Variants in SLC35F4 observed in about 807,000 individuals in gnomAD.
The protein encoded by SLC35F4 is chromosome 14 open reading frame 36.
SLC35F4 carries 24 observed loss-of-function variants against 44.2 expected under a neutral mutation model. The observed-to-expected ratio is 0.54, with a 90% CI of 0.39 to 0.76. SLC35F4 has a LOEUF of 0.76. Among genes scored for constraint, SLC35F4 ranks in the 30% least tolerant of loss-of-function variants. The pLI is 0.00. For synonymous variants in SLC35F4, 238 were observed against 223.6 expected, an observed-to-expected ratio of 1.06 and a Z score of -0.57; for missense variants, 562 against 586.1, an observed-to-expected ratio of 0.96 and a Z score of 0.42.
At position 57,852,953 on chromosome 14, in the gene SLC35F4, G is replaced by T. The variant is rs139475306; in HGVS notation, c.103+12770C>A. Among the ~76,000 whole-genome samples, 545 of 152,288 alleles carry T rather than the reference G, an allele frequency of 3.6e-3. 10 individuals are homozygous for T. The highest frequency in any genetic ancestry group is 0.027 in the East Asian group (141 of 5,186). The stretch of plus-strand genomic sequence containing the variant: ...AAACCATTACTGACATCTCACTAGT[G>T]CCATCTTGGCATTAGCCTAGGTCTA... On this transcript the variant is annotated intron_variant, in intron 1 of 7. Coordinates refer to ENST00000556826, the MANE Select transcript of SLC35F4 (RefSeq NM_001306087.2).
intron 1 of SLC35F4, among the ~76,000 whole-genome samples, chr14:57,938,574 T>G (rs1431647209): frequency 6.6e-6 from 1 of 152,084 alleles, no homozygotes; most frequent in Non-Finnish European, 1.5e-5. Context: ...AAAGAAAAAA[T>G]GTTAAGGTGT....
At chr14:57,755,539 C>A (rs1297102105) in intron 1 of SLC35F4, among the ~76,000 whole-genome samples, 1 of 152,130 alleles carries the variant, frequency 6.6e-6, no homozygotes, top group Non-Finnish European at 1.5e-5. Flanking sequence ...AATTAAATTT[C>A]TTTTGCACCC....
At chr14:57,582,804 C>T (rs746597302) in intron 3 of SLC35F4, among the ~76,000 whole-genome samples, 15 of 152,142 alleles carry the variant, frequency 9.9e-5, no homozygotes, top group South Asian at 8.3e-4. Context: ...TATTGCAAAT[C>T]AAAGTAAATT....
At chr14:57,579,624 A>G (rs1377402329) in intron 4 of SLC35F4, 1 of 152,212 alleles carries the variant, frequency 6.6e-6, no homozygotes, top group African/African-American at 2.4e-5. Flanking sequence ...CCAGGTTCTT[A>G]TGGGTGGTCC....
chr14:57,839,743 C>A (rs1457567796), intron 1 of SLC35F4, among the ~76,000 whole-genome samples: 7 of 152,200 alleles, frequency 4.6e-5, no homozygotes, highest in Non-Finnish European at 8.8e-5. Flanking sequence ...GCCCATGTAA[C>A]CCTGAACTTT....
At chr14:57,948,510 T>G (rs933403282) in intron 1 of SLC35F4, among the ~76,000 whole-genome samples, 3 of 152,088 alleles carry the variant, frequency 2.0e-5, no homozygotes, top group African/African-American at 7.2e-5. Flanking sequence ...TCTTTTGTAT[T>G]GTATTTTTTG....
chr14:57,618,888 G>A lies in SLC35F4; in HGVS notation c.104-24764C>T, dbSNP rs369543411. On this transcript the variant is annotated intron_variant, in intron 1 of 7. Coordinates refer to ENST00000556826, the MANE Select transcript of SLC35F4 (RefSeq NM_001306087.2). ...GTCCACCATTGCTGAGGCTTGAGTA[G>A]GTGGTTTTACACTCACAGTGTAAAC... Among the ~76,000 whole-genome samples, 441 of 152,292 alleles carry A rather than the reference G, an allele frequency of 2.9e-3. 3 individuals are homozygous for A. Among genetic ancestry groups the A allele is most frequent in the African/African-American group, 9.9e-3 (413 of 41,576 alleles).
chr14:57,965,302 A>G (rs1890417620), intron 1 of SLC35F4, among the ~76,000 whole-genome samples: 2 of 151,980 alleles, frequency 1.3e-5, no homozygotes, highest in Admixed American at 1.3e-4. Flanking sequence ...TAGCAGGTTG[A>G]GTCTTTTTCA....
At chr14:57,714,649 T>C (rs916228635) in intron 1 of SLC35F4, among the ~76,000 whole-genome samples, 1 of 151,988 alleles carries the variant, frequency 6.6e-6, no homozygotes, top group African/African-American at 2.4e-5. Flanking sequence ...CTACTGAAAG[T>C]CTTGCTAGGC....
chr14:57,792,850 C>T (rs893786526), intron 1 of SLC35F4, among the ~76,000 whole-genome samples: 4 of 147,802 alleles, frequency 2.7e-5, no homozygotes, highest in African/African-American at 1.0e-4. Context: ...ATGGGTGTAC[C>T]GAAATCTCAG....
intron 1 of SLC35F4, among the ~76,000 whole-genome samples, chr14:57,697,357 T>C (rs891357623): frequency 1.1e-4 from 17 of 152,140 alleles, no homozygotes; most frequent in Non-Finnish European, 1.9e-4. Context: ...ATTTTTAAAA[T>C]GTATTAAGGT....
At chr14:57,701,001 G>C (rs1165109651) in intron 1 of SLC35F4, among the ~76,000 whole-genome samples, 1 of 151,994 alleles carries the variant, frequency 6.6e-6, no homozygotes. Context: ...TTTGTTTGCT[G>C]TCTTTTTTAT....
chr14:57,889,547 T>A (rs1445549822), intron 1 of SLC35F4, among the ~76,000 whole-genome samples: 1 of 152,250 alleles, frequency 6.6e-6, no homozygotes, highest in Admixed American at 6.5e-5. Flanking sequence ...CTATTGTCAC[T>A]GCAAGTCATA....
rs140473952 is a variant in SLC35F4, at chr14:57,570,171, T to C, written c.934-191A>G. Among the ~76,000 whole-genome samples, 127 of 152,334 alleles carry C rather than the reference T, an allele frequency of 8.3e-4. 1 individual carries two copies. The highest frequency in any genetic ancestry group is 6.8e-3 in the East Asian group (35 of 5,184). On this transcript the variant is annotated intron_variant, in intron 5 of 7. Coordinates refer to ENST00000556826, the MANE Select transcript of SLC35F4 (RefSeq NM_001306087.2). Reference sequence around the variant, plus strand: ...AATACTCCATAGCCTTCATATGAAATAGCAAATGTCATAAAATGAATTTCT... The same window carrying C: ...AATACTCCATAGCCTTCATATGAAACAGCAAATGTCATAAAATGAATTTCT...
intron 1 of SLC35F4, among the ~76,000 whole-genome samples, chr14:57,913,211 T>C (rs7149303): frequency 0.16 from 24,710 of 151,998 alleles, 2,289 homozygotes; most frequent in East Asian, 0.41. Context: ...TTTTTTTTAA[T>C]TCACTCTGAT....
intron 1 of SLC35F4, among the ~76,000 whole-genome samples, chr14:57,901,536 G>C (rs1313437650): frequency 4.6e-5 from 7 of 152,108 alleles, no homozygotes; most frequent in Non-Finnish European, 1.0e-4. Context: ...GGGTGGGGTA[G>C]GGGAAGGGAG....
intron 1 of SLC35F4, among the ~76,000 whole-genome samples, chr14:57,613,570 G>A (rs1287820671): frequency 6.6e-6 from 1 of 152,180 alleles, no homozygotes; most frequent in African/African-American, 2.4e-5. Flanking sequence ...TATTTCTAAG[G>A]CAGCAATAGT....
intron 1 of SLC35F4, among the ~76,000 whole-genome samples, chr14:57,778,654 A>C (rs2077548870): frequency 6.6e-6 from 1 of 152,152 alleles, no homozygotes; most frequent in Non-Finnish European, 1.5e-5. Context: ...GATACACCCC[A>C]AACCAATGGA....
chr14:57,633,604 CAT>C (rs1566708311), intron 1 of SLC35F4, among the ~76,000 whole-genome samples: 1 of 152,114 alleles, frequency 6.6e-6, no homozygotes, highest in African/African-American at 2.4e-5. Context: ...TTACCACACA[CAT>C]AGATTTGTGT....
Sources: gnomAD v4.1 joint callset for allele counts (sites outside exome capture counted in the v4.1 genomes callset) on GRCh38, gnomAD v4.1.1 for gene constraint, MANE v1.5 for transcripts, NCBI Gene and HGNC (gene_info 2026-07-23, HGNC 2026-07-21) for gene names.